TMEM178B: variants seen among roughly 807,000 people sequenced by gnomAD.
TMEM178B encodes transmembrane protein 178B.
A neutral mutation model predicts 31.0 loss-of-function variants in TMEM178B; 5 were observed. The observed-to-expected ratio is 0.16, with a 90% CI of 0.08 to 0.34. The LOEUF is 0.34. TMEM178B is among the 10% of genes least tolerant of loss of function. The pLI is 1.00. For missense variants in TMEM178B, 275 were observed against 400.3 expected (o/e 0.69, Z 2.67); for synonymous variants, 164 against 164.0 (o/e 1.00, Z 0.00).
At chr7:141,125,617 T>C (rs1169144235) in intron 1 of TMEM178B, among the ~76,000 whole-genome samples, 1 of 148,984 alleles carries the variant, frequency 6.7e-6, no homozygotes, top group Non-Finnish European at 1.5e-5. Flanking sequence ...GAGGTGGGGG[T>C]TGCAGTGAGC....
At chr7:141,450,864 G>A (rs1371081513) in intron 3 of TMEM178B, among the ~76,000 whole-genome samples, 5 of 152,188 alleles carry the variant, frequency 3.3e-5, no homozygotes, top group Admixed American at 6.5e-5. Flanking sequence ...CAAGCTTGGA[G>A]TCATGCAGTT....
At chr7:141,300,107 A>G (rs904977030) in intron 2 of TMEM178B, among the ~76,000 whole-genome samples, 4 of 152,172 alleles carry the variant, frequency 2.6e-5, no homozygotes, top group African/African-American at 4.8e-5. Flanking sequence ...TTTTAATTCA[A>G]TGTCAACATT....
intron 3 of TMEM178B, among the ~76,000 whole-genome samples, chr7:141,462,154 C>T (rs777714414): frequency 3.3e-5 from 5 of 152,194 alleles, no homozygotes; most frequent in Non-Finnish European, 7.4e-5. Context: ...CAATTGGACT[C>T]TCTTAGCCCA....
At chr7:141,379,317 A>AAAAG (rs1554481662) in intron 2 of TMEM178B, among the ~76,000 whole-genome samples, 45 of 151,392 alleles carry the variant, frequency 3.0e-4, no homozygotes, top group African/African-American at 6.1e-4. Context: ...AAAAAAAAAA[A>AAAAG]AAATTAAAAT....
intron 1 of TMEM178B, among the ~76,000 whole-genome samples, chr7:141,142,649 CA>C (rs1290386768): frequency 2.6e-5 from 4 of 152,130 alleles, no homozygotes; most frequent in African/African-American, 9.7e-5. Context: ...CCTCATGATC[CA>C]CCCGCCTCAG....
chr7:141,213,670 G>T (rs1797083384), intron 2 of TMEM178B, among the ~76,000 whole-genome samples: 1 of 152,186 alleles, frequency 6.6e-6, no homozygotes, highest in Non-Finnish European at 1.5e-5. Context: ...CCTTATAGGT[G>T]CTTAGTTATC....
intron 2 of TMEM178B, among the ~76,000 whole-genome samples, chr7:141,385,941 G>A (rs553479913): frequency 6.6e-6 from 1 of 152,190 alleles, no homozygotes; most frequent in Non-Finnish European, 1.5e-5. Flanking sequence ...AGAGAGATTG[G>A]ACTCTTCTTC....
At chr7:141,367,169 G>A (rs1800024216) in intron 2 of TMEM178B, among the ~76,000 whole-genome samples, 4 of 152,022 alleles carry the variant, frequency 2.6e-5, no homozygotes, top group Admixed American at 2.0e-4. Context: ...AGGGAGGAAG[G>A]GACTCTTTCT....
Position 141,323,054 on chromosome 7 carries a change from A to G in TMEM178B, c.496+110350A>G, listed in dbSNP as rs535243650. ...TTGGAATTCTGAAGTGCCAGTTGTC[A>G]AATAGCTTCTGGAAGGTTGAACTGA... On this transcript the variant is annotated intron_variant, in intron 2 of 3. Coordinates refer to ENST00000565468, the MANE Select transcript of TMEM178B (RefSeq NM_001195278.2). Among the ~76,000 whole-genome samples, 14 of 152,294 alleles carry G rather than the reference A, an allele frequency of 9.2e-5. No homozygotes were observed. The South Asian group carries it at 2.7e-3, about 29-fold the overall frequency.
chr7:141,345,616 A>G (rs1586904898), intron 2 of TMEM178B, among the ~76,000 whole-genome samples: 1 of 152,196 alleles, frequency 6.6e-6, no homozygotes, highest in East Asian at 1.9e-4. Flanking sequence ...TTACCCTGCA[A>G]TGGGCTTGGT....
At chr7:141,280,437 T>C (rs1303321317) in intron 2 of TMEM178B, among the ~76,000 whole-genome samples, 1 of 152,144 alleles carries the variant, frequency 6.6e-6, no homozygotes, top group African/African-American at 2.4e-5. Context: ...AGTGTATAAG[T>C]CTCATGAGAT....
chr7:141,354,660 T>C (rs946183780), intron 2 of TMEM178B, among the ~76,000 whole-genome samples: 11 of 152,238 alleles, frequency 7.2e-5, no homozygotes, highest in Non-Finnish European at 1.2e-4. Flanking sequence ...CAAATCCTTT[T>C]AAGCCTTAGA....
At chr7:141,291,960 G>A (rs1258939663) in intron 2 of TMEM178B, among the ~76,000 whole-genome samples, 1 of 145,292 alleles carries the variant, frequency 6.9e-6, no homozygotes, top group Admixed American at 6.9e-5. Flanking sequence ...TCAAAGCCCT[G>A]CCTGCTCTTT....
At chr7:141,263,900 A>G (rs1345820547) in intron 2 of TMEM178B, among the ~76,000 whole-genome samples, 1 of 152,246 alleles carries the variant, frequency 6.6e-6, no homozygotes, top group Non-Finnish European at 1.5e-5. Context: ...AGTTTATTAC[A>G]GTTGAATAAT....
Position 141,349,787 on chromosome 7 carries a change from A to C in TMEM178B, c.497-87821A>C, listed in dbSNP as rs145867338. The stretch of plus-strand genomic sequence containing the variant: ...AATTCTTGGGTGAGGTAGGGTGGGC[A>C]TGTGCTGGATAGGAAGAACAAGGCA... On this transcript the variant is annotated intron_variant, in intron 2 of 3. Coordinates refer to ENST00000565468, the MANE Select transcript of TMEM178B (RefSeq NM_001195278.2). Among the ~76,000 whole-genome samples the C allele has an allele frequency of 2.6e-5, 4 of 152,214 alleles. No individual in the cohort carries two copies. The South Asian group carries it at 6.2e-4, about 24-fold the overall frequency.
chr7:141,300,539 C>T (rs1293486092), intron 2 of TMEM178B, among the ~76,000 whole-genome samples: 1 of 152,094 alleles, frequency 6.6e-6, no homozygotes, highest in Non-Finnish European at 1.5e-5. Context: ...AGAGTGAGAA[C>T]CTTTGTTTCT....
chr7:141,453,591 CA>C (rs1801905982), intron 3 of TMEM178B, among the ~76,000 whole-genome samples: 2 of 152,356 alleles, frequency 1.3e-5, no homozygotes, highest in South Asian at 4.1e-4. Flanking sequence ...CAGCCCATGA[CA>C]AGTGCTATAA....
At chr7:141,481,266 C>G (rs1254854941), downstream of TMEM178B, among the ~76,000 whole-genome samples, 1 of 152,172 alleles carries the variant, frequency 6.6e-6, no homozygotes, top group African/African-American at 2.4e-5. Context: ...ACTGAGAAAA[C>G]AGGTTTAGGG....
At chr7:141,116,327 T>C (rs1403682771) in intron 1 of TMEM178B, among the ~76,000 whole-genome samples, 1 of 152,024 alleles carries the variant, frequency 6.6e-6, no homozygotes, top group Non-Finnish European at 1.5e-5. Context: ...CAGGAGGTGC[T>C]GGAAGGAAGC....
Sources: gnomAD v4.1 joint callset for allele counts (sites outside exome capture counted in the v4.1 genomes callset) on GRCh38, gnomAD v4.1.1 for gene constraint, MANE v1.5 for transcripts, NCBI Gene and HGNC (gene_info 2026-07-23, HGNC 2026-07-21) for gene names.